Variants in METTL23 observed in about 807,000 individuals in gnomAD.
The protein encoded by METTL23 is histone-arginine methyltransferase METTL23.
In METTL23, 24 loss-of-function variants were observed where a neutral mutation model predicts 21.2. That is an observed-to-expected ratio of 1.13 (90% CI 0.82 to 1.59). METTL23 has a LOEUF of 1.59. Ranked by LOEUF, METTL23 falls within the 40% of genes most tolerant of loss-of-function variation. The pLI, the probability that METTL23 is intolerant of heterozygous loss-of-function variation, is 0.00. For missense variants in METTL23, 276 were observed against 221.4 expected (o/e 1.25, Z -1.57); for synonymous variants, 97 against 75.2 (o/e 1.29, Z -1.50).
intron 1 of METTL23, 146 bp downstream of exon 1, chr17:76,727,324 A>T: frequency 2.9e-6 from 1 of 339,190 alleles, no homozygotes; most frequent in South Asian, 2.2e-5. Flanking sequence ...AAAACGTCGG[A>T]TATGAAGCCC....
chr17:76,726,856 C>T lies in METTL23; in HGVS notation c.-344C>T, dbSNP rs988192310. 4.6e-6 allele frequency: 2 copies of T among 438,530 alleles called. No individual in the cohort carries two copies. The highest frequency in any genetic ancestry group is 2.0e-5 in the African/African-American group (1 of 49,698). 27.2% of individuals were successfully genotyped at this position (438,530 alleles called of 1,614,324 possible). ...TGCCCATCACTTCCGGTCGCGCCAG[C>T]CGCCCGTTGCCAGTTCTGCGCGTGT... On this transcript the variant is annotated 5_prime_UTR_variant, in exon 1 of 5. Transcript: ENST00000341249.
Position 76,727,153 on chromosome 17 carries a change from C to G in METTL23, c.-47C>G. On this transcript the variant is annotated 5_prime_UTR_variant, in exon 1 of 5. Coordinates refer to ENST00000341249, the MANE Select transcript of METTL23 (RefSeq NM_001080510.5). ...GAGCCGGGTCCGGGGGCCGACGGGG[C>G]TGTCCTGGAGGTCCACGTCCCGCAG... The G allele has an allele frequency of 2.2e-6, 1 of 446,768 alleles. No homozygotes were observed. Among genetic ancestry groups the G allele is most frequent in the South Asian group, 1.6e-5 (1 of 63,648 alleles). The allele number at this position is 446,768 out of a possible 1,614,324, so 27.7% of individuals were successfully genotyped here.
intron 2 of METTL23, among the ~76,000 whole-genome samples, chr17:76,731,470 G>A (rs1276168296): frequency 1.3e-5 from 2 of 152,150 alleles, no homozygotes; most frequent in African/African-American, 4.8e-5. Context: ...TGAGAACTCT[G>A]CCTTTATGTA....
chr17:76,726,820 C>A (rs1296910909), upstream of METTL23: 1 of 388,898 alleles, frequency 2.6e-6, no homozygotes, highest in East Asian at 7.2e-5. Flanking sequence ...TCCCCTCCCG[C>A]GCTGCCGCTG....
At chr17:76,726,489 C>A (rs755041881), upstream of METTL23, 2 of 1,585,344 alleles carry the variant, frequency 1.3e-6, no homozygotes, top group African/African-American at 2.8e-5. Flanking sequence ...GCGGGGTCGC[C>A]AGCTGGTTCC....
chr17:76,726,211 A>G (rs1013421986), upstream of METTL23: 22 of 1,247,426 alleles, frequency 1.8e-5, no homozygotes, highest in African/African-American at 3.2e-4. Flanking sequence ...CGGGGACCCC[A>G]AACTCCGCGG....
chr17:76,729,416 C>T (rs183358910), intron 1 of METTL23, among the ~76,000 whole-genome samples: 1 of 152,290 alleles, frequency 6.6e-6, no homozygotes, highest in African/African-American at 2.4e-5. Flanking sequence ...TGCTCGTTGC[C>T]TCTCTACAGT....
Position 76,733,710 on chromosome 17 carries a change from G to C in METTL23, c.*24G>C, listed in dbSNP as rs140015719. ...GAATTATACCTACAACCTGTTCTGG[G>C]ACAGTATCAATACTGATGAGCAACC... On this transcript the variant is annotated 3_prime_UTR_variant, in exon 5 of 5. Transcript: ENST00000341249. 2 of 1,603,382 alleles carry C rather than the reference G, an allele frequency of 1.2e-6. No individual in the cohort carries two copies. The highest frequency in any genetic ancestry group is 1.1e-5 in the South Asian group (1 of 89,392).
chr17:76,726,596 C>T (rs1298759884), upstream of METTL23: 7 of 1,350,886 alleles, frequency 5.2e-6, no homozygotes, highest in Non-Finnish European at 5.9e-6. Context: ...TCGCTCAGTC[C>T]CGGCGCCTTT....
upstream of METTL23, chr17:76,726,275 G>A: frequency 6.7e-7 from 1 of 1,493,798 alleles, no homozygotes; most frequent in Non-Finnish European, 8.9e-7. Context: ...GGCAGCCTCG[G>A]GCCCAGAGAA....
intron 1 of METTL23, 43 bp from the exon 2 acceptor site, chr17:76,729,647 C>T: frequency 7.4e-7 from 1 of 1,345,270 alleles, no homozygotes; most frequent in Admixed American, 2.1e-5. Context: ...TTCCAACTTC[C>T]AGCAGCTAAA....
At chr17:76,729,943 GTTTTGT>G (rs1568010688) in intron 2 of METTL23, 149 bp downstream of exon 2, 1 of 641,420 alleles carries the variant, frequency 1.6e-6, no homozygotes, top group Non-Finnish European at 2.7e-6. Context: ...TAAGAATGTT[GTTTTGT>G]TTTTGTCTTA....
At position 76,733,743 on chromosome 17, in the gene METTL23, C is replaced by T. The variant is rs1236046214; in HGVS notation, c.*57C>T. ...CAATACTGATGAGCAACCTGGCACACAAACTATGAGCAGACCACTTCAGCT... is the reference window on the plus strand; with the variant it reads ...CAATACTGATGAGCAACCTGGCACATAAACTATGAGCAGACCACTTCAGCT... On this transcript the variant is annotated 3_prime_UTR_variant, in exon 5 of 5. Coordinates refer to ENST00000341249, the MANE Select transcript of METTL23 (RefSeq NM_001080510.5). 2.5e-5 allele frequency: 37 copies of T among 1,499,134 alleles called. No individual in the cohort carries two copies. The highest frequency in any genetic ancestry group is 5.4e-6 in the Non-Finnish European group (6 of 1,104,122). The allele number at this position is 1,499,134 out of a possible 1,614,324, so 92.9% of individuals were successfully genotyped here.
intron 2 of METTL23, among the ~76,000 whole-genome samples, chr17:76,731,466 C>T (rs978180730): frequency 6.6e-6 from 1 of 152,198 alleles, no homozygotes; most frequent in African/African-American, 2.4e-5. Flanking sequence ...ATCATGAGAA[C>T]TCTGCCTTTA....
chr17:76,726,996 T>G lies in METTL23; in HGVS notation c.-204T>G, dbSNP rs188858878. Reference sequence around the variant, plus strand: ...TGCTACGGCCACGTGGCCCGCGGCTTCCCGCTCGCGCAGTCTGGCAGCCCG... The same window carrying G: ...TGCTACGGCCACGTGGCCCGCGGCTGCCCGCTCGCGCAGTCTGGCAGCCCG... On this transcript the variant is annotated 5_prime_UTR_variant, in exon 1 of 5. Transcript: ENST00000341249. The G allele has an allele frequency of 8.8e-6, 4 of 456,408 alleles. No homozygotes were observed. The highest frequency in any genetic ancestry group is 2.3e-5 in the Admixed American group (1 of 42,570). The allele number at this position is 456,408 out of a possible 1,614,324, so 28.3% of individuals were successfully genotyped here.
rs1262852671 is a variant in METTL23 at position 76,727,092 on chromosome 17, CAG to C, written c.-107_-106del. On this transcript the variant is annotated 5_prime_UTR_variant, in exon 1 of 5. Transcript: ENST00000341249. ...ACTGGGCGAGCACGATTTCCGAGGA[CAG>C]GGGGTCCGGGCCCAGCGCTTTCGAT... The C allele has an allele frequency of 2.2e-6, 1 of 454,626 alleles. No homozygotes were observed. Among genetic ancestry groups the C allele is most frequent in the Admixed American group, 2.4e-5 (1 of 42,502 alleles). The allele number at this position is 454,626 out of a possible 1,614,324, so 28.2% of individuals were successfully genotyped here.
At chr17:76,732,855 A>C (rs2077285249) in intron 2 of METTL23, 123 bp from the exon 3 acceptor site, 1 of 777,176 alleles carries the variant, frequency 1.3e-6, no homozygotes, top group African/African-American at 1.7e-5. Context: ...TTTTATACAA[A>C]CCCAGAAAGA....
intron 2 of METTL23, 122 bp downstream of exon 2, chr17:76,729,916 T>C (rs1278013689): frequency 7.6e-5 from 54 of 710,236 alleles, no homozygotes. Flanking sequence ...TTTAGCTAGT[T>C]TGTAAGGTCT....
In METTL23 at chr17:76,733,228, G is replaced by T. The variant is rs757357057; in HGVS notation, c.322+13G>T. The T allele has an allele frequency of 1.2e-6, 2 of 1,612,918 alleles. No individual in the cohort carries two copies. Among genetic ancestry groups the T allele is most frequent in the South Asian group, 1.1e-5 (1 of 91,010 alleles). On this transcript the variant is annotated intron_variant, in intron 3 of 4. Transcript: ENST00000341249. ...TTTGAACCAGAAGGTAAGCTTTTTT[G>T]GCTCAATAGTACATTTGGCCAGTGA...
Sources: gnomAD v4.1 joint callset for allele counts (sites outside exome capture counted in the v4.1 genomes callset) on GRCh38, gnomAD v4.1.1 for gene constraint, MANE v1.5 for transcripts, NCBI Gene and HGNC (gene_info 2026-07-23, HGNC 2026-07-21) for gene names.